ZNF701: variants seen among roughly 807,000 people sequenced by gnomAD.
ZNF701 encodes zinc finger protein 701.
In ZNF701, 6 loss-of-function variants were observed where a neutral mutation model predicts 7.1. The ratio of observed to expected loss-of-function variants is 0.84; its 90% confidence interval spans 0.46 to 1.66. The LOEUF is 1.66. Among genes scored for constraint, ZNF701 ranks in the 40% most tolerant of loss-of-function variants. The probability of loss-of-function intolerance (pLI) is 0.01; values close to 1 mark genes in which losing one functional copy is unlikely to be tolerated. For missense variants in ZNF701, 541 were observed against 559.2 expected (o/e 0.97, Z 0.33); for synonymous variants, 166 against 188.2 (o/e 0.88, Z 0.97).
At chr19:52,574,706 G>A (rs1253558214) in intron 2 of ZNF701, among the ~76,000 whole-genome samples, 1 of 152,040 alleles carries the variant, frequency 6.6e-6, no homozygotes, top group Non-Finnish European at 1.5e-5. Context: ...AATGATACAG[G>A]GGTTTTATTC....
the ZNF701 span, among the ~76,000 whole-genome samples, chr19:52,592,669 A>C: frequency 6.6e-6 from 1 of 152,206 alleles, no homozygotes; most frequent in Non-Finnish European, 1.5e-5. Context: ...AGCTCATTGC[A>C]ACCTCCACCT....
chr19:52,596,571 G>T, the ZNF701 span: 4 of 401,310 alleles, frequency 1.0e-5, no homozygotes, highest in African/African-American at 2.1e-5. Context: ...TAGTAGAAAA[G>T]CAAACCTTGC....
rs2059990379 is a variant in ZNF701 at position 52,583,451 on chromosome 19, A to G, written c.1392A>G (p.Lys464=). Reference sequence around the variant, plus strand: ...ATCATAGACTTCATACTGGAAAGAAATCTTAGAAGTGTAAATTTGCAAGGT... The same window carrying G: ...ATCATAGACTTCATACTGGAAAGAAGTCTTAGAAGTGTAAATTTGCAAGGT... ...ERHHRLHTGK[K]S Residue 464 remains lysine, a synonymous_variant, in exon 4 of 4, where the codon AAA becomes AAG. Coordinates refer to ENST00000391785, the MANE Select transcript of ZNF701 (RefSeq NM_018260.3). 6.2e-7 allele frequency: 1 copy of G among 1,611,138 alleles called. No homozygotes were observed. The highest frequency in any genetic ancestry group is 8.5e-7 in the Non-Finnish European group (1 of 1,178,428).
chr19:52,578,544 G>A (rs2059952758), intron 3 of ZNF701, among the ~76,000 whole-genome samples: 1 of 152,152 alleles, frequency 6.6e-6, no homozygotes, highest in South Asian at 2.1e-4. Flanking sequence ...TTTGTCTTAT[G>A]TCTTTATTTA....
In ZNF701 at chr19:52,570,883, C is replaced by A. The variant is rs565723361; in HGVS notation, c.-72+553C>A. The stretch of plus-strand genomic sequence containing the variant: ...GAGGTGCCAGGGGCCAGTCCTGTGA[C>A]ACGGTGTGTTCTTGCCTGCCTAGCT... On this transcript the variant is annotated intron_variant, in intron 1 of 3. Transcript: ENST00000391785. 4 of 152,620 alleles carry A rather than the reference C, an allele frequency of 2.6e-5. No homozygotes were observed. In the South Asian group the frequency reaches 8.3e-4, roughly 32 times the overall value. 9.5% of individuals were successfully genotyped at this position (152,620 alleles called of 1,614,324 possible).
intron 3 of ZNF701, 108 bp from the exon 4 acceptor site, chr19:52,582,094 G>A: frequency 2.1e-6 from 2 of 975,274 alleles, no homozygotes; most frequent in Admixed American, 3.3e-5. Context: ...TGAAGATCAT[G>A]TTTGGGAAGT....
At chr19:52,579,930 TCTC>T (rs1397264017) in intron 3 of ZNF701, among the ~76,000 whole-genome samples, 1 of 141,926 alleles carries the variant, frequency 7.0e-6, no homozygotes, top group Non-Finnish European at 1.5e-5. Context: ...AAAAACTACT[TCTC>T]CTCTAGAATT....
chr19:52,593,088 G>C, the ZNF701 span, among the ~76,000 whole-genome samples: 2 of 117,700 alleles, frequency 1.7e-5, 1 homozygote, highest in African/African-American at 6.6e-5. Context: ...GAGAGCACAG[G>C]GTTGGGGGTA....
At chr19:52,591,515 G>C (rs937827852), downstream of ZNF701, among the ~76,000 whole-genome samples, 37 of 152,220 alleles carry the variant, frequency 2.4e-4, no homozygotes, top group Middle Eastern at 3.4e-3. Flanking sequence ...TTTTGACAGA[G>C]TCTAACTCTG....
At chr19:52,588,280 G>A (rs974489790), downstream of ZNF701, among the ~76,000 whole-genome samples, 31 of 151,986 alleles carry the variant, frequency 2.0e-4, no homozygotes, top group Admixed American at 2.0e-3. Flanking sequence ...AAGGTCAGGA[G>A]ATCGAGACCA....
chr19:52,596,367 A>G, the ZNF701 span: 1 of 394,678 alleles, frequency 2.5e-6, no homozygotes, highest in Admixed American at 3.5e-5. Context: ...CAGAAACATT[A>G]CAAATGTGAA....
At chr19:52,588,940 A>G (rs900717173), downstream of ZNF701, among the ~76,000 whole-genome samples, 3 of 151,998 alleles carry the variant, frequency 2.0e-5, no homozygotes, top group African/African-American at 7.3e-5. Context: ...ACAGGTTTTC[A>G]CCCTGTTGGC....
At chr19:52,592,200 G>A in the ZNF701 span, 1 of 1,575,824 alleles carries the variant, frequency 6.3e-7, no homozygotes, top group Non-Finnish European at 8.7e-7. Flanking sequence ...AAGTGATGTT[G>A]GAGAACTACA....
chr19:52,591,029 G>A (rs1262814898), downstream of ZNF701, among the ~76,000 whole-genome samples: 1 of 151,956 alleles, frequency 6.6e-6, no homozygotes, highest in Non-Finnish European at 1.5e-5. Context: ...TAATAGAGAC[G>A]GGGTTTTACC....
chr19:52,570,692 A>G (rs2059892023), intron 1 of ZNF701: 1 of 152,184 alleles, frequency 6.6e-6, no homozygotes. Flanking sequence ...CTGAAGCGCA[A>G]ACGTCGCGAT....
rs2059980182 is a variant in ZNF701, at chr19:52,582,282, C to T, written c.223C>T (p.Gln75Ter). The change falls in exon 4 of 4, where the codon CAA (glutamine) becomes TAA (stop). Residue 75 changes from glutamine (Q) to a stop codon, truncating the protein, a stop_gained. Transcript: ENST00000391785. LOFTEE classifies it low-confidence loss of function (END_TRUNC). ...NTEVVHTGTL[Q>*]IHASHHIGDT... ...AGAAGTGGTCCACACAGGGACATTG[C>T]AAATACATGCAAGTCATCACATTGG... is the stretch of plus-strand genomic sequence containing the variant. The T allele has an allele frequency of 6.2e-7, 1 of 1,613,242 alleles. No homozygotes were observed. Among genetic ancestry groups the T allele is most frequent in the South Asian group, 1.1e-5 (1 of 90,916 alleles).
chr19:52,575,036 C>G (rs986669348), intron 2 of ZNF701, among the ~76,000 whole-genome samples: 1 of 152,216 alleles, frequency 6.6e-6, no homozygotes, highest in Non-Finnish European at 1.5e-5. Flanking sequence ...GTGGCACGAT[C>G]TCCGCTCACT....
rs190191374 is a variant in ZNF701 at position 52,583,693 on chromosome 19, G to T, written c.*236G>T. 9.8e-3 allele frequency: 8,618 copies of T among 882,912 alleles called. 69 individuals carry two copies. Among genetic ancestry groups the T allele is most frequent in the Non-Finnish European group, 0.013 (6,544 of 523,074 alleles). 54.7% of individuals were successfully genotyped at this position (882,912 alleles called of 1,614,324 possible). On this transcript the variant is annotated 3_prime_UTR_variant, in exon 4 of 4. Coordinates refer to ENST00000391785, the MANE Select transcript of ZNF701 (RefSeq NM_018260.3). ...GCCCAACATACTGGAATTCACACTGGAAAGGAACTGTACAAGTGTAATGAG... is the reference window on the plus strand; with the variant it reads ...GCCCAACATACTGGAATTCACACTGTAAAGGAACTGTACAAGTGTAATGAG...
the ZNF701 span, among the ~76,000 whole-genome samples, chr19:52,595,320 A>G: frequency 6.6e-5 from 10 of 150,736 alleles, no homozygotes; most frequent in Middle Eastern, 3.5e-3. Flanking sequence ...CCCAGGCTGG[A>G]GTGCAGTGGC....
Sources: gnomAD v4.1 joint callset for allele counts (sites outside exome capture counted in the v4.1 genomes callset) on GRCh38, gnomAD v4.1.1 for gene constraint, MANE v1.5 for transcripts, NCBI Gene and HGNC (gene_info 2026-07-23, HGNC 2026-07-21) for gene names.